AKAP12: variants seen among roughly 807,000 people sequenced by gnomAD.
AKAP12 encodes the protein A-kinase anchor protein 12.
A neutral mutation model predicts 79.9 loss-of-function variants in AKAP12; 32 were observed. That is an observed-to-expected ratio of 0.40 (90% CI 0.30 to 0.54). The LOEUF is 0.54. Ranked by LOEUF, AKAP12 falls within the 20% of genes least tolerant of loss-of-function variation. AKAP12 has a pLI of 0.48. For synonymous variants in AKAP12, 808 were observed against 857.0 expected, an observed-to-expected ratio of 0.94 and a Z score of 1.00; for missense variants, 2,074 against 2,177.0, an observed-to-expected ratio of 0.95 and a Z score of 0.94.
chr6:151,270,507 C>T (rs1776159106), intron 2 of AKAP12, among the ~76,000 whole-genome samples: 1 of 152,204 alleles, frequency 6.6e-6, no homozygotes, highest in Non-Finnish European at 1.5e-5. Context: ...ATGTACAATT[C>T]TTTGCCTGAA....
In AKAP12 at chr6:151,270,770, A is replaced by T. The variant is rs1776164618; in HGVS notation, c.162+30046A>T. 1.3e-5 allele frequency among the ~76,000 whole-genome samples: 2 copies of T among 151,906 alleles called. 1 individual carries two copies. Among genetic ancestry groups the T allele is most frequent in the South Asian group, 4.1e-4 (2 of 4,822 alleles). ...TGTGGTTTTGATGTGCATTTCCCTG[A>T]TAGCTAATTGTGTGGATCCCTTTTG... On this transcript the variant is annotated intron_variant, in intron 2 of 4. Coordinates refer to ENST00000402676, the MANE Select transcript of AKAP12 (RefSeq NM_005100.4).
chr6:151,285,963 C>T (rs761598507), intron 2 of AKAP12, among the ~76,000 whole-genome samples: 9 of 151,156 alleles, frequency 6.0e-5, no homozygotes, highest in African/African-American at 2.2e-4. Flanking sequence ...CTGCAACCTT[C>T]GCCTCCTGAG....
At chr6:151,273,404 C>T (rs953186503) in intron 2 of AKAP12, among the ~76,000 whole-genome samples, 2 of 152,086 alleles carry the variant, frequency 1.3e-5, no homozygotes, top group South Asian at 2.1e-4. Context: ...AGTTTCATAC[C>T]GGTGATTCCA....
At position 151,349,869 on chromosome 6, in the gene AKAP12, C is replaced by T. The variant is rs1778227992; in HGVS notation, c.1478C>T (p.Pro493Leu). Residue 493 changes from proline to leucine, a missense_variant, in exon 4 of 5, where the codon CCC becomes CTC. By Grantham distance (98) the Pro-to-Leu change is moderately conservative (BLOSUM62 -3). This residue lies in a region of AKAP12 where 1,428 missense variants were observed against 1,451.0 expected (regional missense o/e 0.98). Transcript: ENST00000402676. ...GATGAGAAGGTGCTGTCCAAACCCC[C>T]CGAAGGCGTTGTGAGTGAGGTGGAA... ...SPDEKVLSKP[P>L]EGVVSEVEML... The T allele has an allele frequency of 1.2e-6, 2 of 1,614,106 alleles. No homozygotes were observed. The highest frequency in any genetic ancestry group is 8.5e-7 in the Non-Finnish European group (1 of 1,180,022).
At position 151,348,876 on chromosome 6, in the gene AKAP12, C is replaced by T. The variant is rs1778189389; in HGVS notation, c.485C>T (p.Pro162Leu). ...AGCAATTTAGAAGAGCTAACACAACCCACTGAGTCCCAGGCTAATGATATT... is the reference window on the plus strand; with the variant it reads ...AGCAATTTAGAAGAGCTAACACAACTCACTGAGTCCCAGGCTAATGATATT... ...SESNLEELTQ[P>L]TESQANDIGF... Residue 162 changes from proline (P) to leucine (L), a missense_variant, in exon 4 of 5, where the codon CCC (proline) becomes CTC (leucine). This residue lies in a region of AKAP12 where 1,428 missense variants were observed against 1,451.0 expected (regional missense o/e 0.98). Transcript: ENST00000402676. 2 of 1,613,902 alleles carry T rather than the reference C, an allele frequency of 1.2e-6. No homozygotes were observed. Among genetic ancestry groups the T allele is most frequent in the African/African-American group, 2.7e-5 (2 of 74,870 alleles).
chr6:151,294,393 G>A (rs913249281), intron 2 of AKAP12, among the ~76,000 whole-genome samples: 1 of 152,186 alleles, frequency 6.6e-6, no homozygotes, highest in African/African-American at 2.4e-5. Flanking sequence ...GGGGCACCAG[G>A]GATGCCCCAT....
intron 2 of AKAP12, among the ~76,000 whole-genome samples, chr6:151,285,688 G>A (rs555027241): frequency 6.6e-5 from 10 of 152,192 alleles, no homozygotes; most frequent in Non-Finnish European, 1.3e-4. Flanking sequence ...TGGGTGAGTT[G>A]TGGAGGGGAA....
rs114482954 is a variant in AKAP12, at chr6:151,346,250, C to A, written c.320-2461C>A. Among the ~76,000 whole-genome samples, 1,046 of 152,224 alleles carry A rather than the reference C, an allele frequency of 6.9e-3. 17 individuals are homozygous for A. The highest frequency in any genetic ancestry group is 0.024 in the African/African-American group (994 of 41,524). ...TCCCTCCTACTTCCCCCCATTAAAT[C>A]ACATTGACTTGACTTTTCCCCTCAG... On this transcript the variant is annotated intron_variant, in intron 3 of 4. Coordinates refer to ENST00000402676, the MANE Select transcript of AKAP12 (RefSeq NM_005100.4).
intron 3 of AKAP12, among the ~76,000 whole-genome samples, chr6:151,334,907 A>G (rs2114799434): frequency 6.6e-6 from 1 of 151,174 alleles, no homozygotes. Context: ...ACAGGCGTGA[A>G]CCGCCGCGCC....
intron 3 of AKAP12, chr6:151,325,307 CTGTG>C (rs1352842475): frequency 1.0e-6 from 1 of 985,322 alleles, no homozygotes; most frequent in South Asian, 4.7e-5. Flanking sequence ...AATTTACTGT[CTGTG>C]TGGCTATTTC....
At chr6:151,300,494 C>A (rs1562727767) in intron 2 of AKAP12, among the ~76,000 whole-genome samples, 1 of 152,166 alleles carries the variant, frequency 6.6e-6, no homozygotes. Flanking sequence ...TGACAGCTGT[C>A]AAGGGCTCAT....
intron 2 of AKAP12, among the ~76,000 whole-genome samples, chr6:151,245,241 A>G (rs1328436279): frequency 6.6e-6 from 1 of 152,010 alleles, no homozygotes; most frequent in East Asian, 1.9e-4. Context: ...TGCAGTAGCC[A>G]TTCATGCGAA....
At chr6:151,279,231 T>A (rs1006947864) in intron 2 of AKAP12, among the ~76,000 whole-genome samples, 5 of 152,126 alleles carry the variant, frequency 3.3e-5, no homozygotes, top group African/African-American at 7.2e-5. Flanking sequence ...TTGTATTCCC[T>A]GGTCTCATCA....
intron 3 of AKAP12, among the ~76,000 whole-genome samples, chr6:151,347,207 T>C (rs1402957404): frequency 6.6e-6 from 1 of 152,236 alleles, no homozygotes; most frequent in Non-Finnish European, 1.5e-5. Context: ...CTTTTGAGCA[T>C]CTCCTTTCTG....
intron 3 of AKAP12, among the ~76,000 whole-genome samples, chr6:151,346,555 C>T (rs1370910053): frequency 5.3e-5 from 8 of 152,156 alleles, no homozygotes; most frequent in Admixed American, 3.3e-4. Context: ...AGGAATGCCA[C>T]GTAGATGAAT....
intron 3 of AKAP12, among the ~76,000 whole-genome samples, chr6:151,312,328 C>T (rs1481270718): frequency 6.6e-6 from 1 of 151,784 alleles, no homozygotes; most frequent in Non-Finnish European, 1.5e-5. Context: ...AAAAAATTAG[C>T]TGGACGTGGT....
intron 3 of AKAP12, among the ~76,000 whole-genome samples, chr6:151,332,512 C>A (rs1045351850): frequency 6.6e-6 from 1 of 152,166 alleles, no homozygotes; most frequent in African/African-American, 2.4e-5. Context: ...TTAGGTGTCT[C>A]CACCCAGAAG....
chr6:151,305,613 C>A, intron 2 of AKAP12, 134 bp from the exon 3 acceptor site: 2 of 868,112 alleles, frequency 2.3e-6, no homozygotes, highest in Non-Finnish European at 3.5e-6. Context: ...TAAGACTTAA[C>A]TCTTCATTGT....
intron 3 of AKAP12, among the ~76,000 whole-genome samples, chr6:151,327,849 C>T (rs770295545): frequency 4.6e-5 from 7 of 152,092 alleles, no homozygotes; most frequent in Non-Finnish European, 8.8e-5. Flanking sequence ...GAAGAAAGTG[C>T]ACAGAAAATC....
Sources: gnomAD v4.1 joint callset for allele counts (sites outside exome capture counted in the v4.1 genomes callset) on GRCh38, gnomAD v4.1.1 for gene constraint, gnomAD v4.1.1 regional missense constraint, MANE v1.5 for transcripts, NCBI Gene and HGNC (gene_info 2026-07-23, HGNC 2026-07-21) for gene names.